The following ADGRD1 variants were observed in gnomAD, a reference collection of about 807,000 sequenced individuals.
ADGRD1 encodes G-protein coupled receptor 133.
ADGRD1 carries 77 observed loss-of-function variants against 113.4 expected under a neutral mutation model. The observed-to-expected ratio is 0.68, with a 90% confidence interval of 0.57 to 0.82. The LOEUF is 0.82. Ranked by LOEUF, ADGRD1 falls within the 40% of genes least tolerant of loss-of-function variation. The probability of loss-of-function intolerance (pLI) is 0.00; values close to 1 mark genes in which losing one functional copy is unlikely to be tolerated. For synonymous variants in ADGRD1, 474 were observed against 475.0 expected, an observed-to-expected ratio of 1.00 and a Z score of 0.03; for missense variants, 1,036 against 1,139.1, an observed-to-expected ratio of 0.91 and a Z score of 1.30.
chr12:131,030,997 C>T (rs139457958), intron 13 of ADGRD1, among the ~76,000 whole-genome samples: 85 of 152,322 alleles, frequency 5.6e-4, no homozygotes, highest in African/African-American at 2.0e-3. Context: ...ACAGCCAGGG[C>T]CCCCACCGAG....
At chr12:131,018,455 G>C (rs777623581) in intron 13 of ADGRD1, among the ~76,000 whole-genome samples, 11 of 152,076 alleles carry the variant, frequency 7.2e-5, no homozygotes, top group Non-Finnish European at 1.5e-4. Context: ...TTCCCACCGA[G>C]AGGGTCCACC....
Position 131,084,547 on chromosome 12 carries a change from G to A in ADGRD1, c.1555G>A (p.Glu519Lys). ...YCAFLDFSSG[E>K]GVWSNHGCAL... The stretch of plus-strand genomic sequence containing the variant: ...TTTCTCCTGTGTCCTCAGCTCCGGA[G>A]AAGGGGTCTGGTCGAACCACGGCTG... Residue 519 changes from glutamate (E) to lysine (K), a missense_variant, in exon 15 of 25, where the codon GAA (glutamate) becomes AAA (lysine). Coordinates refer to ENST00000261654, the MANE Select transcript of ADGRD1 (RefSeq NM_198827.5). This position sits in a 1 kb window ranked among gnomAD's most constrained non-coding sequence, Gnocchi z 4.5. 5 of 1,614,154 alleles carry A rather than the reference G, an allele frequency of 3.1e-6. No individual in the cohort carries two copies. The highest frequency in any genetic ancestry group is 4.2e-6 in the Non-Finnish European group (5 of 1,180,024).
intron 13 of ADGRD1, among the ~76,000 whole-genome samples, chr12:131,016,840 C>G (rs1878625013): frequency 6.6e-6 from 1 of 150,694 alleles, no homozygotes; most frequent in Non-Finnish European, 1.5e-5. Flanking sequence ...TTGCAGTGAG[C>G]AGAGATCGGG....
intron 12 of ADGRD1, among the ~76,000 whole-genome samples, chr12:131,008,204 AT>A (rs1353296079): frequency 5.9e-5 from 9 of 152,186 alleles, no homozygotes; most frequent in African/African-American, 1.9e-4. Context: ...TTGTAAGCTG[AT>A]TGGGCATTTG....
chr12:131,040,410 AG>A (rs1336435969), intron 13 of ADGRD1, among the ~76,000 whole-genome samples: 1 of 152,214 alleles, frequency 6.6e-6, no homozygotes, highest in Non-Finnish European at 1.5e-5. Flanking sequence ...TTATTTCTTA[AG>A]GGCAAAGTCT....
chr12:130,981,757 T>C, intron 4 of ADGRD1, 127 bp from the exon 5 acceptor site: 4 of 660,616 alleles, frequency 6.1e-6, no homozygotes, highest in Non-Finnish European at 1.1e-5. Context: ...GAACTGAACA[T>C]ACACTGCCTT....
chr12:130,961,436 C>T (rs1046089740), intron 2 of ADGRD1, among the ~76,000 whole-genome samples: 1 of 152,076 alleles, frequency 6.6e-6, no homozygotes, highest in Non-Finnish European at 1.5e-5. Flanking sequence ...TCTTCCTCCC[C>T]ACCCCTCCTC....
At chr12:131,045,580 C>T (rs1179601577) in intron 13 of ADGRD1, among the ~76,000 whole-genome samples, 1 of 151,960 alleles carries the variant, frequency 6.6e-6, no homozygotes, top group Non-Finnish European at 1.5e-5. Flanking sequence ...ACGGCTGTAC[C>T]TGGATCACGC....
chr12:131,017,484 ACAAT>A (rs1038067507), intron 13 of ADGRD1, among the ~76,000 whole-genome samples: 6 of 148,910 alleles, frequency 4.0e-5, no homozygotes, highest in African/African-American at 1.2e-4. Context: ...CAGTCCACAC[ACAAT>A]CAGTCCACAC....
Position 130,982,009 on chromosome 12 carries a change from G to A in ADGRD1, c.436G>A (p.Glu146Lys), listed in dbSNP as rs780884597. ...VCSSGGRGSV[E>K]LYTRDNSMTW... Reference sequence around the variant, plus strand: ...CTCCAGCGGTGGCAGAGGCTCTGTGGAGCTGTATACGCGGGACAATTCCAT... The same window carrying A: ...CTCCAGCGGTGGCAGAGGCTCTGTGAAGCTGTATACGCGGGACAATTCCAT... The change falls in exon 5 of 25, where the codon GAG (glutamate) becomes AAG (lysine). Residue 146 changes from glutamate to lysine, a missense_variant. Transcript: ENST00000261654. The A allele has an allele frequency of 3.7e-6, 6 of 1,614,054 alleles. No homozygotes were observed. In the South Asian group the frequency reaches 6.6e-5, roughly 18 times the overall value.
In ADGRD1 at chr12:131,014,350, G is replaced by A. The variant is rs372625538; in HGVS notation, c.1473+10G>A. The stretch of plus-strand genomic sequence containing the variant: ...CCTCAAGCACAGATTGGTGAGTGGC[G>A]GTGCCTTCACCCTTGTCGCCGCCTT... On this transcript the variant is annotated intron_variant, in intron 13 of 24. Coordinates refer to ENST00000261654, the MANE Select transcript of ADGRD1 (RefSeq NM_198827.5). 5.9e-5 allele frequency: 95 copies of A among 1,607,748 alleles called. 1 individual carries two copies. Among genetic ancestry groups the A allele is most frequent in the African/African-American group, 1.9e-4 (14 of 74,700 alleles).
intron 14 of ADGRD1, among the ~76,000 whole-genome samples, chr12:131,082,419 T>C (rs192424664): frequency 1.5e-3 from 236 of 152,324 alleles, no homozygotes; most frequent in Middle Eastern, 3.4e-3. Context: ...TTGATGCCAC[T>C]GAAGGCTCTA....
intron 18 of ADGRD1, among the ~76,000 whole-genome samples, chr12:131,110,490 T>C (rs2137359291): frequency 6.6e-6 from 1 of 152,316 alleles, no homozygotes; most frequent in East Asian, 1.9e-4. Context: ...TATTCTCTTT[T>C]CCTTTGTTCT....
chr12:130,992,508 C>T (rs927147605), intron 8 of ADGRD1, 116 bp downstream of exon 8: 21 of 944,262 alleles, frequency 2.2e-5, no homozygotes, highest in Middle Eastern at 3.2e-4. Flanking sequence ...TTTACTGAAA[C>T]GTTTGGGTTT....
intron 13 of ADGRD1, among the ~76,000 whole-genome samples, chr12:131,068,788 A>C (rs1460596767): frequency 1.3e-5 from 2 of 152,250 alleles, no homozygotes; most frequent in Non-Finnish European, 2.9e-5. Flanking sequence ...AGAAGAACAA[A>C]GGGAAGAAAA....
rs1294356705 is a variant in ADGRD1 at position 130,981,791 on chromosome 12, C to T, written c.311-93C>T. ...TTTAGAATGGGGACAAAATGCTTTTCGAATGAAAAATAAAAAGCAAAGAGA... is the reference window on the plus strand; with the variant it reads ...TTTAGAATGGGGACAAAATGCTTTTTGAATGAAAAATAAAAAGCAAAGAGA... On this transcript the variant is annotated intron_variant, in intron 4 of 24. Transcript: ENST00000261654. 8 of 843,770 alleles carry T rather than the reference C, an allele frequency of 9.5e-6. No individual in the cohort carries two copies. The South Asian group carries it at 1.4e-4, about 15-fold the overall frequency. 52.3% of individuals were successfully genotyped at this position (843,770 alleles called of 1,614,324 possible).
chr12:131,044,255 G>A (rs904728703), intron 13 of ADGRD1, among the ~76,000 whole-genome samples: 2 of 152,170 alleles, frequency 1.3e-5, no homozygotes, highest in South Asian at 2.1e-4. Flanking sequence ...AGGATGAAGC[G>A]GCCGTCCTCA....
At chr12:130,996,192 C>T (rs1406895904) in intron 8 of ADGRD1, among the ~76,000 whole-genome samples, 3 of 142,512 alleles carry the variant, frequency 2.1e-5, no homozygotes, top group Non-Finnish European at 3.1e-5. Flanking sequence ...TACACAGACA[C>T]GGCAACCATC....
intron 15 of ADGRD1, among the ~76,000 whole-genome samples, chr12:131,089,983 C>G (rs1886795862): frequency 6.6e-6 from 1 of 152,184 alleles, no homozygotes; most frequent in Admixed American, 6.5e-5. Flanking sequence ...GGGGGAGTTA[C>G]ACTTTCAGCT....
Sources: allele counts gnomAD v4.1 joint callset (sites outside exome capture counted in the v4.1 genomes callset), GRCh38; gene constraint gnomAD v4.1.1; non-coding constraint Gnocchi (gnomAD v3.1); transcripts MANE v1.5; gene names NCBI Gene and HGNC (gene_info 2026-07-23, HGNC 2026-07-21).